ZFPM2: variants seen among roughly 807,000 people sequenced by gnomAD.
The protein encoded by ZFPM2 is zinc finger protein, FOG family member 2.
Under a neutral mutation model 98.6 loss-of-function variants are expected in ZFPM2, and 20 were observed. The ratio of observed to expected loss-of-function variants is 0.20; its 90% CI spans 0.14 to 0.29. The LOEUF is 0.29. ZFPM2 is among the 10% of genes least tolerant of loss of function. The pLI is 1.00. For missense variants in ZFPM2, 1,310 were observed against 1,388.6 expected (o/e 0.94, Z 0.90); for synonymous variants, 518 against 502.7 (o/e 1.03, Z -0.41).
intron 1 of ZFPM2, among the ~76,000 whole-genome samples, chr8:105,376,537 T>G (rs555773698): frequency 6.6e-6 from 1 of 152,286 alleles, no homozygotes; most frequent in South Asian, 2.1e-4. Context: ...CATCTCAAAT[T>G]TAATGTGTCC....
intron 5 of ZFPM2, among the ~76,000 whole-genome samples, chr8:105,737,031 G>A (rs1169064465): frequency 2.0e-5 from 3 of 151,764 alleles, no homozygotes; most frequent in Non-Finnish European, 4.4e-5. Context: ...GTGTGCACGT[G>A]CACACATGAT....
chr8:105,672,134 C>T (rs930493586), intron 5 of ZFPM2, among the ~76,000 whole-genome samples: 9 of 152,030 alleles, frequency 5.9e-5, no homozygotes, highest in African/African-American at 2.2e-4. Context: ...ATTTCTTACT[C>T]ATATAGCATT....
chr8:105,549,441 G>A (rs889156058), intron 3 of ZFPM2, among the ~76,000 whole-genome samples: 5 of 151,848 alleles, frequency 3.3e-5, no homozygotes, highest in East Asian at 1.9e-4. Flanking sequence ...ATGGGGAGTC[G>A]TTTTGGTGTC....
Position 105,688,677 on chromosome 8 carries a change from A to G in ZFPM2, c.532+54320A>G, listed in dbSNP as rs143531525. On this transcript the variant is annotated intron_variant, in intron 5 of 7. Coordinates refer to ENST00000407775, the MANE Select transcript of ZFPM2 (RefSeq NM_012082.4). ...ACACATCAGAAGGAAGATATTATAT[A>G]GTCTTCTATACATTTACATACATAT... Among the ~76,000 whole-genome samples the G allele has an allele frequency of 1.1e-3, 162 of 152,246 alleles. 1 individual carries two copies. Among genetic ancestry groups the G allele is most frequent in the Non-Finnish European group, 1.7e-3 (114 of 67,962 alleles).
At chr8:105,708,567 C>G (rs1811313155) in intron 5 of ZFPM2, among the ~76,000 whole-genome samples, 1 of 151,988 alleles carries the variant, frequency 6.6e-6, no homozygotes. Flanking sequence ...GTAGTTGGGA[C>G]TACAGGTGTG....
chr8:105,373,616 A>T (rs1810666239), intron 1 of ZFPM2, among the ~76,000 whole-genome samples: 1 of 152,224 alleles, frequency 6.6e-6, no homozygotes, highest in Admixed American at 6.5e-5. Flanking sequence ...AAAATGGAAG[A>T]TAGATTATTC....
intron 5 of ZFPM2, among the ~76,000 whole-genome samples, chr8:105,753,636 C>G (rs1467078840): frequency 6.6e-6 from 1 of 152,086 alleles, no homozygotes. Context: ...AAAAAAGTTA[C>G]TTGATAAACC....
chr8:105,672,301 T>G (rs1326594482), intron 5 of ZFPM2, among the ~76,000 whole-genome samples: 1 of 151,986 alleles, frequency 6.6e-6, no homozygotes, highest in East Asian at 1.9e-4. Context: ...TGATTAACAC[T>G]GTATTACATT....
chr8:105,682,254 G>A (rs1378380203), intron 5 of ZFPM2, among the ~76,000 whole-genome samples: 1 of 152,082 alleles, frequency 6.6e-6, no homozygotes, highest in South Asian at 2.1e-4. Flanking sequence ...ACGTAAGGAG[G>A]GGCCAGTTTG....
At chr8:105,740,065 G>A (rs553945294) in intron 5 of ZFPM2, among the ~76,000 whole-genome samples, 1 of 151,910 alleles carries the variant, frequency 6.6e-6, no homozygotes, top group East Asian at 1.9e-4. Flanking sequence ...CTGAAGACAA[G>A]GAAATCTACC....
intron 3 of ZFPM2, among the ~76,000 whole-genome samples, chr8:105,533,296 T>C (rs1284246290): frequency 1.3e-5 from 2 of 152,080 alleles, no homozygotes; most frequent in African/African-American, 2.4e-5. Context: ...TGTTTATAGA[T>C]TTTGATGAAA....
At chr8:105,413,312 C>G (rs761263933) in intron 1 of ZFPM2, among the ~76,000 whole-genome samples, 7 of 151,494 alleles carry the variant, frequency 4.6e-5, no homozygotes, top group Non-Finnish European at 8.9e-5. Flanking sequence ...TATTTTAACT[C>G]CTTTTACCTA....
At chr8:105,585,069 C>G (rs1280021279) in intron 4 of ZFPM2, among the ~76,000 whole-genome samples, 1 of 152,116 alleles carries the variant, frequency 6.6e-6, no homozygotes, top group East Asian at 1.9e-4. Context: ...GGGCCTAATC[C>G]AGACAAGGCA....
chr8:105,448,668 G>A (rs1409065295), intron 3 of ZFPM2, among the ~76,000 whole-genome samples: 2 of 151,980 alleles, frequency 1.3e-5, no homozygotes, highest in Non-Finnish European at 2.9e-5. Context: ...TTAGATTCTG[G>A]CATGTTAAGT....
chr8:105,688,814 G>GT (rs1281858973), intron 5 of ZFPM2, among the ~76,000 whole-genome samples: 1 of 152,088 alleles, frequency 6.6e-6, no homozygotes, highest in Non-Finnish European at 1.5e-5. Flanking sequence ...TCTCTATCAT[G>GT]TACTTAGCAA....
At chr8:105,357,144 C>T (rs959170336) in intron 1 of ZFPM2, among the ~76,000 whole-genome samples, 6 of 152,182 alleles carry the variant, frequency 3.9e-5, no homozygotes, top group Non-Finnish European at 7.3e-5. Context: ...ACGTGAGTCC[C>T]TGCCTCTTGC....
rs188615191 is a variant in ZFPM2 at position 105,399,200 on chromosome 8, A to G, written c.41-19944A>G. ...AGATTTTGGACTTCATCCTACATGT[A>G]GACAGAAGACATAAAAGCAGAGGAG... On this transcript the variant is annotated intron_variant, in intron 1 of 7. Transcript: ENST00000407775. 2.2e-3 allele frequency among the ~76,000 whole-genome samples: 330 copies of G among 152,328 alleles called. 1 individual carries two copies. The highest frequency in any genetic ancestry group is 7.7e-3 in the African/African-American group (319 of 41,566).
intron 3 of ZFPM2, among the ~76,000 whole-genome samples, chr8:105,475,964 G>A (rs1276866245): frequency 6.6e-6 from 1 of 152,210 alleles, no homozygotes; most frequent in East Asian, 1.9e-4. Context: ...GATAGCCAGA[G>A]CTGTAGAGTC....
At chr8:105,675,647 G>A (rs1810431124) in intron 5 of ZFPM2, among the ~76,000 whole-genome samples, 1 of 152,054 alleles carries the variant, frequency 6.6e-6, no homozygotes, top group African/African-American at 2.4e-5. Flanking sequence ...CTTCAGTCCT[G>A]GGAGGATAAA....
Sources: allele counts gnomAD v4.1 joint callset (sites outside exome capture counted in the v4.1 genomes callset), GRCh38; gene constraint gnomAD v4.1.1; transcripts MANE v1.5; gene names NCBI Gene and HGNC (gene_info 2026-07-23, HGNC 2026-07-21).